Variants in TMEM259 observed in about 807,000 individuals in gnomAD.
The protein encoded by TMEM259 is transmembrane protein 259.
In TMEM259, 26 loss-of-function variants were observed where a neutral mutation model predicts 46.7. The observed-to-expected ratio is 0.56, with a 90% CI of 0.41 to 0.77. The LOEUF (loss-of-function observed/expected upper bound fraction) is 0.77, where lower values mean the gene tolerates loss of function less well. TMEM259 is among the 30% of genes least tolerant of loss of function. TMEM259 has a pLI of 0.00. For synonymous variants in TMEM259, 494 were observed against 395.1 expected, an observed-to-expected ratio of 1.25 and a Z score of -2.97; for missense variants, 930 against 900.5, an observed-to-expected ratio of 1.03 and a Z score of -0.42.
At chr19:1,012,881 G>A (rs1168275058) in intron 3 of TMEM259, among the ~76,000 whole-genome samples, 1 of 152,156 alleles carries the variant, frequency 6.6e-6, no homozygotes. Flanking sequence ...CACTTCAGAG[G>A]CCCCGGCCCT....
rs1464553277 is a variant in TMEM259 at position 1,020,228 on chromosome 19, C to T, written c.225+544G>A. On this transcript the variant is annotated intron_variant, in intron 1 of 10. Coordinates refer to ENST00000356663, the MANE Select transcript of TMEM259 (RefSeq NM_001033026.2). The surrounding 1 kb of genome is among the most constrained non-coding windows in gnomAD (Gnocchi z 4.0). ...AGCGGGGAACGCAGCTGAAAGGCTACAAGGAGGGAGAGAGGGGAGTGGGGA... is the reference window on the plus strand; with the variant it reads ...AGCGGGGAACGCAGCTGAAAGGCTATAAGGAGGGAGAGAGGGGAGTGGGGA... Among the ~76,000 whole-genome samples the T allele has an allele frequency of 1.5e-5, 2 of 137,806 alleles. No homozygotes were observed. Among genetic ancestry groups the T allele is most frequent in the Non-Finnish European group, 3.2e-5 (2 of 62,854 alleles). 90.4% of individuals were successfully genotyped at this position (137,806 alleles called of 152,430 possible).
rs375152820 is a variant in TMEM259 at position 1,010,371 on chromosome 19, C to T, written c.1842G>A (p.Ala614=). ...PSPASMAPTE[A]PSEVGS ...CGGCTCAGGACCCCACCTCCGAGGG[C>T]GCCTCCGTTGGGGCCATGGAGGCCG... Residue 614 remains alanine (A), a synonymous_variant, in exon 11 of 11, where the codon GCG becomes GCA. Coordinates refer to ENST00000356663, the MANE Select transcript of TMEM259 (RefSeq NM_001033026.2). The T allele has an allele frequency of 1.1e-5, 16 of 1,495,672 alleles. No homozygotes were observed. Among genetic ancestry groups the T allele is most frequent in the East Asian group, 2.5e-5 (1 of 40,454 alleles). 92.7% of individuals were successfully genotyped at this position (1,495,672 alleles called of 1,614,324 possible).
At chr19:1,019,439 C>G (rs941410307) in intron 1 of TMEM259, among the ~76,000 whole-genome samples, 1 of 152,256 alleles carries the variant, frequency 6.6e-6, no homozygotes, top group Admixed American at 6.5e-5. Context: ...CGCCTGCCTG[C>G]GTAACCCTTC....
Position 1,011,441 on chromosome 19 carries a change from G to C in TMEM259, c.1143C>G (p.Ile381Met). 1.3e-6 allele frequency: 2 copies of C among 1,568,312 alleles called. No homozygotes were observed. The highest frequency in any genetic ancestry group is 1.7e-6 in the Non-Finnish European group (2 of 1,157,082). Residue 381 changes from isoleucine to methionine, a missense_variant, in exon 9 of 11, where the codon ATC (isoleucine) becomes ATG (methionine). Transcript: ENST00000356663. ...FNDTTTAFYI[I>M]LIVWLADQYD... ...ACTGGTCCGCGAGCCACACGATGAGGATGATGTAGAAGGCGGTGGTGGTGT... is the reference window on the plus strand; with the variant it reads ...ACTGGTCCGCGAGCCACACGATGAGCATGATGTAGAAGGCGGTGGTGGTGT...
Position 1,021,033 on chromosome 19 carries a change from CCG to C in TMEM259, c.-39_-38del. ...TCGCGCCCTAACGACCCGCAAGTGT[CCG>C]AGGGCGCCTCCCGGCCGCCATCGGC... On this transcript the variant is annotated 5_prime_UTR_variant, in exon 1 of 11. The change abolishes the stop of an existing upstream ORF in the 5' untranslated region. Coordinates refer to ENST00000356663, the MANE Select transcript of TMEM259 (RefSeq NM_001033026.2). 1 of 1,330,148 alleles carries C rather than the reference CCG, an allele frequency of 7.5e-7. No individual in the cohort carries two copies. The highest frequency in any genetic ancestry group is 1.7e-5 in the South Asian group (1 of 57,476). The allele number at this position is 1,330,148 out of a possible 1,614,324, so 82.4% of individuals were successfully genotyped here.
rs1431484636 is a variant in TMEM259 at position 1,010,632 on chromosome 19, T to TGCCGCGGCCACCAGGGAGCTGGGC, written c.1557_1580dup (p.Pro520_Ala527dup). On this transcript the variant is annotated inframe_insertion, in exon 11 of 11. Coordinates refer to ENST00000356663, the MANE Select transcript of TMEM259 (RefSeq NM_001033026.2). ...CACCGGCAGCTGCTGCCACTGAGGCTGCCGCGGCCACCAGGGAGCTGGGCG... is the reference window on the plus strand; with the variant it reads ...CACCGGCAGCTGCTGCCACTGAGGCTGCCGCGGCCACCAGGGAGCTGGGCGCCGCGGCCACCAGGGAGCTGGGCG... 3.9e-5 allele frequency: 61 copies of TGCCGCGGCCACCAGGGAGCTGGGC among 1,545,072 alleles called. No homozygotes were observed. The highest frequency in any genetic ancestry group is 5.1e-5 in the Non-Finnish European group (59 of 1,148,746).
rs1266124680 is a variant in TMEM259 at position 1,011,100 on chromosome 19, A to G, written c.1313T>C (p.Ile438Thr). ...SLALVTSWLF[I>T]QHSMIYFFHH... is the part of the protein sequence containing the mutation. ...TGCTTGCCGCCCAGGCCTCACCTGGATGAAGAGCCAGGAGGTGACCAGGGC... is the reference window on the plus strand; with the variant it reads ...TGCTTGCCGCCCAGGCCTCACCTGGGTGAAGAGCCAGGAGGTGACCAGGGC... The change falls in exon 10 of 11, where the codon ATC becomes ACC. Residue 438 changes from isoleucine to threonine, a missense_variant. Physicochemically the swap from Ile to Thr is moderately conservative, Grantham distance 89. Transcript: ENST00000356663. 6.3e-7 allele frequency: 1 copy of G among 1,589,868 alleles called. No individual in the cohort carries two copies. The highest frequency in any genetic ancestry group is 8.6e-7 in the Non-Finnish European group (1 of 1,168,284).
rs865868288 is a variant in TMEM259 at position 1,010,406 on chromosome 19, C to T, written c.1807G>A (p.Gly603Arg). 2.0e-6 allele frequency: 3 copies of T among 1,518,144 alleles called. No homozygotes were observed. The highest frequency in any genetic ancestry group is 2.4e-5 in the East Asian group (1 of 41,008). 94.0% of individuals were successfully genotyped at this position (1,518,144 alleles called of 1,614,324 possible). Residue 603 changes from glycine (G) to arginine (R), a missense_variant, in exon 11 of 11, where the codon GGG becomes AGG. Gly to Arg is a moderately radical substitution (Grantham distance 125). Coordinates refer to ENST00000356663, the MANE Select transcript of TMEM259 (RefSeq NM_001033026.2). ...DTTPLGAAVG[G>R]PSPASMAPTE... ...GGGGCCATGGAGGCCGGGCTAGGCC[C>T]GCCTACCGCAGCCCCCAGGGGAGTT... is the stretch of plus-strand genomic sequence containing the variant.
At chr19:1,014,012 C>T (rs2039024579) in intron 2 of TMEM259, among the ~76,000 whole-genome samples, 180 bp downstream of exon 2, 1 of 152,252 alleles carries the variant, frequency 6.6e-6, no homozygotes, top group Admixed American at 6.5e-5. Context: ...GGCCGAGGGT[C>T]TTGCTTCAGA....
In TMEM259 at chr19:1,010,812, C is replaced by A; in HGVS notation, c.1401G>T (p.Ala467=). The stretch of plus-strand genomic sequence containing the variant: ...TGGGGGTCCCGGGGCCCAGTGGCGG[C>A]GCCTGAAGCAGCATCTCCTGGATGC... ...QVRIQEMLLQ[A]PPLGPGTPTA... Residue 467 remains alanine (A), a synonymous_variant, in exon 11 of 11, where the codon GCG becomes GCT. Coordinates refer to ENST00000356663, the MANE Select transcript of TMEM259 (RefSeq NM_001033026.2). 1 of 1,582,222 alleles carries A rather than the reference C, an allele frequency of 6.3e-7. No homozygotes were observed. Among genetic ancestry groups the A allele is most frequent in the Non-Finnish European group, 8.5e-7 (1 of 1,172,778 alleles).
chr19:1,014,380 G>A lies in TMEM259; in HGVS notation c.319C>T (p.Arg107Cys), dbSNP rs144593243. Residue 107 changes from arginine to cysteine, a missense_variant, in exon 2 of 11, where the codon CGT becomes TGT. Transcript: ENST00000356663. ...ACTTCCACACGCAGGATGCCCTCAC[G>A]CGGCCACTTGTCACGCACATGCTCC... ...CLEHVRDKWP[R>C]EGILRVEVRH... The A allele has an allele frequency of 1.9e-6, 3 of 1,612,922 alleles. No homozygotes were observed. Among genetic ancestry groups the A allele is most frequent in the Non-Finnish European group, 2.5e-6 (3 of 1,179,906 alleles).
In TMEM259 at chr19:1,009,805, G is replaced by A. The variant is rs77532719; in HGVS notation, c.*545C>T. On this transcript the variant is annotated 3_prime_UTR_variant, in exon 11 of 11. Coordinates refer to ENST00000356663, the MANE Select transcript of TMEM259 (RefSeq NM_001033026.2). ...CCGAGTGGGACTGGACCACGGCCCT[G>A]GCTGCTGCCACTGATGTTGGCGCCT... 0.012 allele frequency: 5,898 copies of A among 483,418 alleles called. 273 individuals are homozygous for A. The highest frequency in any genetic ancestry group is 0.11 in the African/African-American group (5,353 of 49,106). The allele number at this position is 483,418 out of a possible 1,614,324, so 29.9% of individuals were successfully genotyped here. A position where few individuals can be genotyped will look rare whatever the true frequency, so the allele number is the denominator to read the frequency against.
chr19:1,016,971 C>A (rs753756201), intron 1 of TMEM259, among the ~76,000 whole-genome samples: 1 of 152,208 alleles, frequency 6.6e-6, no homozygotes, highest in African/African-American at 2.4e-5. Flanking sequence ...TGTGTCTCTG[C>A]CCCATCAGGT....
At chr19:1,014,157 G>A in intron 2 of TMEM259, 35 bp downstream of exon 2, 2 of 1,589,498 alleles carry the variant, frequency 1.3e-6, no homozygotes, top group Non-Finnish European at 1.7e-6. Flanking sequence ...ACGGGGCGCT[G>A]GCCTCTGCTG....
chr19:1,011,265 C>T (rs7246234), intron 9 of TMEM259, 70 bp from the exon 10 acceptor site: 23 of 1,540,294 alleles, frequency 1.5e-5, no homozygotes, highest in Admixed American at 9.8e-5. Flanking sequence ...GGGGTTCCCG[C>T]GTGGCGCAGC....
chr19:1,012,680 C>T lies in TMEM259; in HGVS notation c.608-107G>A, dbSNP rs1379161546. 1.2e-5 allele frequency: 17 copies of T among 1,447,208 alleles called. No homozygotes were observed. The East Asian group carries it at 1.5e-4, about 13-fold the overall frequency. The allele number at this position is 1,447,208 out of a possible 1,614,324, so 89.6% of individuals were successfully genotyped here. Reference sequence around the variant, plus strand: ...GGGTGGAGGGTGAGACCTGCTGAGCCCTGGGCCCCAGGTGGGTGCTGGGAG... The same window carrying T: ...GGGTGGAGGGTGAGACCTGCTGAGCTCTGGGCCCCAGGTGGGTGCTGGGAG... On this transcript the variant is annotated intron_variant, in intron 3 of 10. Coordinates refer to ENST00000356663, the MANE Select transcript of TMEM259 (RefSeq NM_001033026.2).
rs766706942 is a variant in TMEM259, at chr19:1,013,334, G to A, written c.514C>T (p.Leu172=). ...TTGAACACCTTGGGCTCGATGTCCA[G>A]CTCAAACTGTGGGCGACCAGGGACC... ...MFGNSSIKFE[L]DIEPKVFKPP... is the part of the protein sequence containing the mutation. The change falls in exon 3 of 11, where the codon CTG becomes TTG. Residue 172 remains leucine (L), a synonymous_variant. Transcript: ENST00000356663. 2.7e-5 allele frequency: 44 copies of A among 1,613,336 alleles called. No homozygotes were observed. Among genetic ancestry groups the A allele is most frequent in the Non-Finnish European group, 3.6e-5 (42 of 1,179,634 alleles).
Position 1,010,413 on chromosome 19 carries a change from C to T in TMEM259, c.1800G>A (p.Ala600=), listed in dbSNP as rs764178778. ...AASDTTPLGA[A]VGGPSPASMA... is the part of the protein sequence containing the mutation. ...TGGAGGCCGGGCTAGGCCCGCCTACCGCAGCCCCCAGGGGAGTTGTGTCAG... is the reference window on the plus strand; with the variant it reads ...TGGAGGCCGGGCTAGGCCCGCCTACTGCAGCCCCCAGGGGAGTTGTGTCAG... Residue 600 remains alanine (A), a synonymous_variant, in exon 11 of 11, where the codon GCG becomes GCA. Transcript: ENST00000356663. The T allele has an allele frequency of 5.3e-6, 8 of 1,519,944 alleles. No homozygotes were observed. Among genetic ancestry groups the T allele is most frequent in the Non-Finnish European group, 7.0e-6 (8 of 1,137,820 alleles). The allele number at this position is 1,519,944 out of a possible 1,614,324, so 94.2% of individuals were successfully genotyped here. A position where few individuals can be genotyped will look rare whatever the true frequency, so the allele number is the denominator to read the frequency against.
chr19:1,015,383 C>T (rs1010007852), intron 1 of TMEM259, among the ~76,000 whole-genome samples: 13 of 152,178 alleles, frequency 8.5e-5, no homozygotes, highest in Non-Finnish European at 1.6e-4. Context: ...CCAGGACGGC[C>T]CCACCCCGAC....
Sources: gnomAD v4.1 joint callset for allele counts (sites outside exome capture counted in the v4.1 genomes callset) on GRCh38, gnomAD v4.1.1 for gene constraint, Gnocchi (gnomAD v3.1) non-coding constraint, MANE v1.5 for transcripts, NCBI Gene and HGNC (gene_info 2026-07-23, HGNC 2026-07-21) for gene names.